The following CLPX variants were observed in gnomAD, a reference collection of about 807,000 sequenced individuals.
The protein encoded by CLPX is ATP-dependent clpX-like chaperone, mitochondrial.
A neutral mutation model predicts 76.4 loss-of-function variants in CLPX; 34 were observed. The ratio of observed to expected loss-of-function variants is 0.45; its 90% CI spans 0.34 to 0.59. The LOEUF is 0.59. CLPX is among the 20% of genes least tolerant of loss of function. The pLI is 0.01. For missense variants in CLPX, 613 were observed against 757.0 expected (o/e 0.81, Z 2.23); for synonymous variants, 248 against 270.9 (o/e 0.92, Z 0.83).
intron 10 of CLPX, 84 bp downstream of exon 10, chr15:65,155,608 T>G: frequency 1.8e-6 from 2 of 1,132,360 alleles, no homozygotes; most frequent in South Asian, 2.9e-5. Flanking sequence ...CTATGACTGG[T>G]AGCCCGCAGA....
chr15:65,170,885 C>T (rs748384823), intron 3 of CLPX, among the ~76,000 whole-genome samples: 9 of 143,660 alleles, frequency 6.3e-5, no homozygotes, highest in Non-Finnish European at 9.0e-5. Context: ...TGCAGTGGCA[C>T]GATCTGGGCT....
intron 5 of CLPX, 57 bp downstream of exon 5, chr15:65,163,972 T>C: frequency 6.8e-7 from 1 of 1,471,890 alleles, no homozygotes; most frequent in Non-Finnish European, 9.4e-7. Context: ...GAGTTACAAA[T>C]AAAGATTACT....
chr15:65,183,017 G>A (rs1447907962), intron 1 of CLPX, among the ~76,000 whole-genome samples: 1 of 151,892 alleles, frequency 6.6e-6, no homozygotes, highest in Non-Finnish European at 1.5e-5. Flanking sequence ...ATAAAAATTA[G>A]TGGGGCGTGG....
chr15:65,164,172 T>C lies in CLPX; in HGVS notation c.530A>G (p.Asp177Gly). 6.2e-7 allele frequency: 1 copy of C among 1,609,362 alleles called. No homozygotes were observed. The highest frequency in any genetic ancestry group is 8.5e-7 in the Non-Finnish European group (1 of 1,177,146). ...PPPKKIYNYLDKYVVGQSFAK... is the reference protein window; with the variant it reads ...PPPKKIYNYLGKYVVGQSFAK... Reference sequence around the variant, plus strand: ...AAATGACTGGCCAACAACATACTTGTCGAGGTAGTTATAAATCTGAAAAAT... The same window carrying C: ...AAATGACTGGCCAACAACATACTTGCCGAGGTAGTTATAAATCTGAAAAAT... The change falls in exon 5 of 14, where the codon GAC becomes GGC. Residue 177 changes from aspartate (D) to glycine (G), a missense_variant. Physicochemically the swap from Asp to Gly is moderately conservative, Grantham distance 94. Coordinates refer to ENST00000300107, the MANE Select transcript of CLPX (RefSeq NM_006660.5).
In CLPX at chr15:65,185,223, G is replaced by A; in HGVS notation, c.-70C>T. 1.5e-6 allele frequency: 2 copies of A among 1,321,608 alleles called. No individual in the cohort carries two copies. The highest frequency in any genetic ancestry group is 1.3e-5 in the South Asian group (1 of 76,206). The allele number at this position is 1,321,608 out of a possible 1,614,324, so 81.9% of individuals were successfully genotyped here. ...GGTCACAGCGGCGTGAATCCTGCCC[G>A]CAAGGCGCGCTGACTCGGTTCCGAA... On this transcript the variant is annotated 5_prime_UTR_variant, in exon 1 of 14. Transcript: ENST00000300107.
chr15:65,168,220 C>T (rs995259167), intron 3 of CLPX, among the ~76,000 whole-genome samples: 4 of 149,232 alleles, frequency 2.7e-5, no homozygotes, highest in African/African-American at 9.9e-5. Context: ...CCTGTCTCTA[C>T]TAAAAATAGA....
intron 3 of CLPX, among the ~76,000 whole-genome samples, chr15:65,169,319 T>G (rs941081044): frequency 3.3e-5 from 5 of 152,190 alleles, no homozygotes; most frequent in African/African-American, 1.2e-4. Flanking sequence ...CAGGCGGGTC[T>G]CAAACTCCTG....
chr15:65,168,528 C>T (rs961352956), intron 3 of CLPX, among the ~76,000 whole-genome samples: 1 of 138,778 alleles, frequency 7.2e-6, no homozygotes, highest in African/African-American at 2.7e-5. Context: ...TGTTCTCACT[C>T]ATAGATGGGA....
chr15:65,183,397 T>G (rs1595949745), intron 1 of CLPX, among the ~76,000 whole-genome samples: 1 of 139,646 alleles, frequency 7.2e-6, no homozygotes, highest in African/African-American at 2.7e-5. Flanking sequence ...GGAGGCGGAG[T>G]TTGCAGTAAA....
chr15:65,160,623 T>TCTCTCTCTCTCTCTCTCTCTCA (rs1219208926), intron 6 of CLPX, among the ~76,000 whole-genome samples: 2 of 100,970 alleles, frequency 2.0e-5, no homozygotes, highest in African/African-American at 7.6e-5. Context: ...TCTCTCTCTC[T>TCTCTCTCTCTCTCTCTCTCTCA]CACACACACA....
intron 4 of CLPX, among the ~76,000 whole-genome samples, chr15:65,166,141 A>G (rs2087909256): frequency 6.6e-6 from 1 of 152,200 alleles, no homozygotes; most frequent in South Asian, 2.1e-4. Flanking sequence ...CCACAGTGCT[A>G]TACGGAGCAG....
At chr15:65,175,651 GA>G (rs2088081175) in intron 3 of CLPX, among the ~76,000 whole-genome samples, 1 of 152,136 alleles carries the variant, frequency 6.6e-6, no homozygotes, top group Non-Finnish European at 1.5e-5. Context: ...CATGAAATCT[GA>G]AATCTGAAAT....
At chr15:65,170,822 C>CAT in intron 3 of CLPX, among the ~76,000 whole-genome samples, 1 of 118,578 alleles carries the variant, frequency 8.4e-6, no homozygotes, top group Non-Finnish European at 1.7e-5. Flanking sequence ...TTCTGTTCTT[C>CAT]TTTTTTTTTT....
intron 4 of CLPX, 27 bp from the exon 5 acceptor site, chr15:65,164,215 TTAATA>T (rs772908802): frequency 1.9e-6 from 3 of 1,564,996 alleles, no homozygotes; most frequent in Non-Finnish European, 8.7e-7. Context: ...TATGAATAAT[TTAATA>T]TGAGCTATTA....
chr15:65,160,388 A>C (rs892227367), intron 6 of CLPX, among the ~76,000 whole-genome samples: 6 of 152,198 alleles, frequency 3.9e-5, no homozygotes, highest in Non-Finnish European at 8.8e-5. Context: ...TATAATCCAC[A>C]TCAGCCAAGA....
intron 12 of CLPX, among the ~76,000 whole-genome samples, 188 bp from the exon 13 acceptor site, chr15:65,152,724 T>C (rs1416127772): frequency 6.6e-6 from 1 of 150,442 alleles, no homozygotes; most frequent in East Asian, 1.9e-4. Flanking sequence ...TTTGGGATTA[T>C]AGCTGTGATT....
At chr15:65,167,742 G>C (rs1026512151) in intron 3 of CLPX, among the ~76,000 whole-genome samples, 2 of 151,106 alleles carry the variant, frequency 1.3e-5, no homozygotes, top group African/African-American at 2.4e-5. Context: ...ACAAAAATTA[G>C]CTGGGCGTGG....
rs1233878617 is a variant in CLPX at position 65,166,772 on chromosome 15, A to G, written c.372T>C (p.Phe124=). 1.2e-6 allele frequency: 2 copies of G among 1,613,056 alleles called. No homozygotes were observed. The highest frequency in any genetic ancestry group is 1.7e-6 in the Non-Finnish European group (2 of 1,179,668). ...AATGATGACACTTTTCACACTTGAC[A>G]AAACGGGTGGATGCTGTAAAAGAAA... ...HVETFVSSTR[F]VKCEKCHHFF... The change falls in exon 4 of 14, where the codon TTT becomes TTC. Residue 124 remains phenylalanine, a synonymous_variant. Coordinates refer to ENST00000300107, the MANE Select transcript of CLPX (RefSeq NM_006660.5).
chr15:65,183,532 CAGAA>C (rs1489901714), intron 1 of CLPX, among the ~76,000 whole-genome samples: 1 of 100,734 alleles, frequency 9.9e-6, no homozygotes, highest in Non-Finnish European at 2.1e-5. Flanking sequence ...GAAAGAAAGA[CAGAA>C]AGGAAAGAAA....
Sources: gnomAD v4.1 joint callset for allele counts (sites outside exome capture counted in the v4.1 genomes callset) on GRCh38, gnomAD v4.1.1 for gene constraint, MANE v1.5 for transcripts, NCBI Gene and HGNC (gene_info 2026-07-23, HGNC 2026-07-21) for gene names.